DYSF: variants seen among roughly 807,000 people sequenced by gnomAD.
The protein encoded by DYSF is dystrophy-associated fer-1-like 1.
A neutral mutation model predicts 274.9 loss-of-function variants in DYSF; 212 were observed. That is an observed-to-expected ratio of 0.77 (90% CI 0.69 to 0.86). The LOEUF (loss-of-function observed/expected upper bound fraction) is 0.86. Ranked by LOEUF, DYSF falls within the 40% of genes least tolerant of loss-of-function variation. DYSF has a pLI of 0.00. For missense variants in DYSF, 2,666 were observed against 2,783.2 expected (o/e 0.96, Z 0.95); for synonymous variants, 1,091 against 1,078.7 (o/e 1.01, Z -0.22).
Position 71,662,783 on chromosome 2 carries a change from G to C in DYSF, c.5004-1485G>C, listed in dbSNP as rs527827305. Reference sequence around the variant, plus strand: ...TGTGTATTTGTATGTGTGTGTGTATGTGTGTTTGTGTCTGTGTGTCTGTGT... The same window carrying C: ...TGTGTATTTGTATGTGTGTGTGTATCTGTGTTTGTGTCTGTGTGTCTGTGT... On this transcript the variant is annotated intron_variant, in intron 45 of 55. Transcript: ENST00000410020. Among the ~76,000 whole-genome samples, 20 of 151,368 alleles carry C rather than the reference G, an allele frequency of 1.3e-4. No individual in the cohort carries two copies. In the East Asian group the frequency reaches 3.3e-3, roughly 25 times the overall value.
At chr2:71,635,561 A>G (rs1361032816) in intron 41 of DYSF, among the ~76,000 whole-genome samples, 1 of 152,148 alleles carries the variant, frequency 6.6e-6, no homozygotes, top group Non-Finnish European at 1.5e-5. Context: ...CAGCCTGGCC[A>G]ACATGGTGAA....
At chr2:71,650,009 G>A (rs2094628083) in intron 42 of DYSF, among the ~76,000 whole-genome samples, 1 of 152,202 alleles carries the variant, frequency 6.6e-6, no homozygotes, top group Non-Finnish European at 1.5e-5. Context: ...ACTTTATAAT[G>A]CTAAATGGTA....
chr2:71,584,202 G>T (rs1440268329), intron 30 of DYSF, among the ~76,000 whole-genome samples: 1 of 151,856 alleles, frequency 6.6e-6, no homozygotes, highest in African/African-American at 2.4e-5. Context: ...GGGGGTGAAG[G>T]GTGGGTGGGC....
intron 1 of DYSF, among the ~76,000 whole-genome samples, chr2:71,470,496 C>A (rs1326410085): frequency 2.0e-5 from 3 of 151,720 alleles, no homozygotes; most frequent in Non-Finnish European, 1.5e-5. Context: ...CATGGTGAAA[C>A]CCTGTCTCTA....
At chr2:71,593,125 CTTTT>C (rs35900869) in intron 32 of DYSF, among the ~76,000 whole-genome samples, 3,001 of 85,472 alleles carry the variant, frequency 0.035, 38 homozygotes, top group African/African-American at 0.061. Context: ...TCAGTGACTT[CTTTT>C]TTTTTTTTTT....
At chr2:71,527,401 C>G (rs1019541883) in intron 13 of DYSF, among the ~76,000 whole-genome samples, 1 of 152,098 alleles carries the variant, frequency 6.6e-6, no homozygotes, top group Admixed American at 6.5e-5. Context: ...TAGATCAAAT[C>G]CTGAAGAAAG....
At chr2:71,521,679 G>A (rs1270633352) in intron 12 of DYSF, among the ~76,000 whole-genome samples, 1 of 152,212 alleles carries the variant, frequency 6.6e-6, no homozygotes, top group South Asian at 2.1e-4. Flanking sequence ...GCCATGCCTC[G>A]TGTCTCCCCC....
chr2:71,534,110 C>G (rs2089049121), intron 14 of DYSF, among the ~76,000 whole-genome samples: 1 of 152,162 alleles, frequency 6.6e-6, no homozygotes. Flanking sequence ...ACTGGGTGGA[C>G]CAGGAATGGA....
intron 42 of DYSF, among the ~76,000 whole-genome samples, chr2:71,654,322 A>G (rs1032370796): frequency 9.2e-5 from 14 of 152,262 alleles, no homozygotes; most frequent in East Asian, 3.9e-4. Context: ...AATCCATACA[A>G]TTTTTCCAGA....
rs542004403 is a variant in DYSF, at chr2:71,539,351, G to T, written c.1576+112G>T. 177 of 916,520 alleles carry T rather than the reference G, an allele frequency of 1.9e-4. 1 individual carries two copies. The South Asian group carries it at 2.3e-3, about 12-fold the overall frequency. 56.8% of individuals were successfully genotyped at this position (916,520 alleles called of 1,614,324 possible). A position where few individuals can be genotyped will look rare whatever the true frequency, so the allele number is the denominator to read the frequency against. On this transcript the variant is annotated intron_variant, in intron 17 of 55. Coordinates refer to ENST00000410020, the MANE Select transcript of DYSF (RefSeq NM_001130987.2). Reference sequence around the variant, plus strand: ...TTTGCAGAAAAGGGGAGATTATAAGGCCTCTGTTGCCCATTTTCCACTGAG... The same window carrying T: ...TTTGCAGAAAAGGGGAGATTATAAGTCCTCTGTTGCCCATTTTCCACTGAG...
At chr2:71,647,785 C>T (rs959462179) in intron 42 of DYSF, among the ~76,000 whole-genome samples, 1 of 152,182 alleles carries the variant, frequency 6.6e-6, no homozygotes, top group African/African-American at 2.4e-5. Context: ...GGTTTATTAT[C>T]TATTCTCTTT....
chr2:71,537,412 A>C (rs908558281), intron 16 of DYSF, among the ~76,000 whole-genome samples: 10 of 151,510 alleles, frequency 6.6e-5, no homozygotes, highest in African/African-American at 2.4e-4. Context: ...CCCCTGGCTA[A>C]TTTTTGTATT....
chr2:71,491,326 T>G (rs1247926856), intron 3 of DYSF, among the ~76,000 whole-genome samples: 1 of 152,232 alleles, frequency 6.6e-6, no homozygotes, highest in Non-Finnish European at 1.5e-5. Context: ...GTATAAAACT[T>G]TTTTCTCTCT....
At chr2:71,489,597 A>G (rs2083648220) in intron 3 of DYSF, among the ~76,000 whole-genome samples, 1 of 152,190 alleles carries the variant, frequency 6.6e-6, no homozygotes, top group African/African-American at 2.4e-5. Flanking sequence ...GGTTTCCAGG[A>G]AGGGGCTGAA....
intron 2 of DYSF, among the ~76,000 whole-genome samples, chr2:71,481,210 A>G (rs560363677): frequency 1.3e-5 from 2 of 151,812 alleles, no homozygotes; most frequent in East Asian, 3.9e-4. Flanking sequence ...GTGCTCAGGG[A>G]CTCTCTTGCC....
chr2:71,662,958 G>A (rs2094919302), intron 45 of DYSF, among the ~76,000 whole-genome samples: 1 of 152,180 alleles, frequency 6.6e-6, no homozygotes, highest in African/African-American at 2.4e-5. Flanking sequence ...GTGCATATTT[G>A]TGTGTGTATG....
chr2:71,526,418 T>TGGGGGGGGGGGGTTG, intron 13 of DYSF, 72 bp downstream of exon 13: 1 of 261,502 alleles, frequency 3.8e-6, no homozygotes, highest in East Asian at 9.4e-5. Flanking sequence ...GGGTGGGCGA[T>TGGGGGGGGGGGGTTG]GGCGGGCGGG....
intron 36 of DYSF, among the ~76,000 whole-genome samples, chr2:71,603,853 A>T (rs547170742): frequency 6.6e-6 from 1 of 151,882 alleles, no homozygotes; most frequent in South Asian, 2.1e-4. Flanking sequence ...ATGAGTTATT[A>T]AAAAAAAAGT....
chr2:71,601,638 A>G, intron 35 of DYSF, 110 bp downstream of exon 35: 1 of 1,450,370 alleles, frequency 6.9e-7, no homozygotes, highest in Non-Finnish European at 9.6e-7. Context: ...TCCTGCCTCA[A>G]GCCCCCGGGG....
Sources: allele counts gnomAD v4.1 joint callset (sites outside exome capture counted in the v4.1 genomes callset), GRCh38; gene constraint gnomAD v4.1.1; transcripts MANE v1.5; gene names NCBI Gene and HGNC (gene_info 2026-07-23, HGNC 2026-07-21).